RBM19: variants seen among roughly 807,000 people sequenced by gnomAD.
RBM19 encodes probable RNA-binding protein 19.
In RBM19, 94 loss-of-function variants were observed where a neutral mutation model predicts 116.8. That is an observed-to-expected ratio of 0.80 (90% CI 0.68 to 0.95). The LOEUF (loss-of-function observed/expected upper bound fraction) is 0.95, where lower values mean the gene tolerates loss of function less well. Ranked by LOEUF, RBM19 falls within the 40% of genes least tolerant of loss-of-function variation. The probability of loss-of-function intolerance (pLI) is 0.00; values close to 1 mark genes in which losing one functional copy is unlikely to be tolerated. For missense variants in RBM19, 1,161 were observed against 1,220.7 expected (o/e 0.95, Z 0.73); for synonymous variants, 475 against 494.1 (o/e 0.96, Z 0.51).
downstream of RBM19, chr12:113,818,293 G>A (rs1593438783): frequency 6.6e-6 from 1 of 151,632 alleles, no homozygotes; most frequent in Admixed American, 6.6e-5. Flanking sequence ...CTGCTCCTGT[G>A]GGGGTGCTCA....
At chr12:113,844,191 C>T (rs1876746533) in intron 23 of RBM19, among the ~76,000 whole-genome samples, 1 of 152,232 alleles carries the variant, frequency 6.6e-6, no homozygotes, top group Non-Finnish European at 1.5e-5. Flanking sequence ...AGCCCTCCGG[C>T]AGGAAGTGGA....
intron 15 of RBM19, 154 bp from the exon 16 acceptor site, chr12:113,937,290 T>C: frequency 3.7e-6 from 3 of 817,716 alleles, no homozygotes; most frequent in Non-Finnish European, 5.5e-6. Context: ...GAGCCCTGAC[T>C]GCTGTCTACT....
At chr12:113,835,637 G>A (rs1292547807) in intron 23 of RBM19, among the ~76,000 whole-genome samples, 2 of 152,198 alleles carry the variant, frequency 1.3e-5, no homozygotes, top group African/African-American at 2.4e-5. Flanking sequence ...GGAGGCCGGC[G>A]ACCCATGGGG....
Position 113,907,466 on chromosome 12 carries a change from C to G in RBM19, c.2558+7503G>C, listed in dbSNP as rs1372295368. ...GGAGACAGGAGGCACCCCATGCACA[C>G]TGAAGGAATGAAAGCACGCATTCAT... On this transcript the variant is annotated intron_variant, in intron 21 of 23. Coordinates refer to ENST00000261741, the MANE Select transcript of RBM19 (RefSeq NM_016196.4). 2.0e-5 allele frequency among the ~76,000 whole-genome samples: 3 copies of G among 152,174 alleles called. No homozygotes were observed. The East Asian group carries it at 5.8e-4, about 29-fold the overall frequency.
intron 23 of RBM19, among the ~76,000 whole-genome samples, chr12:113,842,216 A>C (rs956488060): frequency 6.6e-6 from 1 of 151,714 alleles, no homozygotes; most frequent in African/African-American, 2.4e-5. Context: ...TTGGAACTCA[A>C]TTTATTGAAG....
chr12:113,906,624 C>T lies in RBM19; in HGVS notation c.2558+8345G>A, dbSNP rs534280646. 5.9e-5 allele frequency among the ~76,000 whole-genome samples: 9 copies of T among 152,162 alleles called. No homozygotes were observed. In the East Asian group the frequency reaches 9.7e-4, roughly 16 times the overall value. On this transcript the variant is annotated intron_variant, in intron 21 of 23. Transcript: ENST00000261741. ...GCACGCATGCTAGCTGGCAATCACACGGGGCAAGGCTGGTCCTGCCTCGTC... is the reference window on the plus strand; with the variant it reads ...GCACGCATGCTAGCTGGCAATCACATGGGGCAAGGCTGGTCCTGCCTCGTC...
Position 113,957,963 on chromosome 12 carries a change from G to A in RBM19, c.659C>T (p.Ser220Leu), listed in dbSNP as rs141996636. ...TTCCTCTTCCTCCGAGGAAGAGGAC[G>A]ACCCAGCCTTCACCATCTTGGATTT... ...YLKSKMVKAGSSSSSEEEESE... is the reference protein window; with the variant it reads ...YLKSKMVKAGLSSSSEEEESE... The change falls in exon 6 of 24, where the codon TCG becomes TTG. Residue 220 changes from serine (S) to leucine (L), a missense_variant. Physicochemically the swap from Ser to Leu is moderately radical, Grantham distance 145. Coordinates refer to ENST00000261741, the MANE Select transcript of RBM19 (RefSeq NM_016196.4). The A allele has an allele frequency of 3.2e-4, 521 of 1,614,128 alleles. 2 individuals are homozygous for A. In the East Asian group the frequency reaches 9.1e-3, roughly 28 times the overall value.
chr12:113,819,246 G>C (rs1397810375), downstream of RBM19, among the ~76,000 whole-genome samples: 1 of 152,194 alleles, frequency 6.6e-6, no homozygotes, highest in African/African-American at 2.4e-5. Context: ...CCGGGTCACA[G>C]GCCTCATCCA....
intron 21 of RBM19, among the ~76,000 whole-genome samples, chr12:113,863,596 C>T (rs571081990): frequency 3.9e-5 from 6 of 152,148 alleles, no homozygotes; most frequent in African/African-American, 9.7e-5. Context: ...CCTCACTATT[C>T]GGATCTGCTG....
intron 16 of RBM19, among the ~76,000 whole-genome samples, chr12:113,931,450 C>T (rs533283752): frequency 1.1e-4 from 16 of 152,112 alleles, no homozygotes; most frequent in Admixed American, 9.2e-4. Flanking sequence ...CATACACCTG[C>T]GCTTTGCTGG....
chr12:113,920,754 G>T, intron 18 of RBM19, 64 bp from the exon 19 acceptor site: 1 of 1,420,986 alleles, frequency 7.0e-7, no homozygotes, highest in Non-Finnish European at 9.9e-7. Flanking sequence ...AAGTGCAAGG[G>T]CTGTGACGGG....
intron 21 of RBM19, among the ~76,000 whole-genome samples, chr12:113,879,446 T>TATATATATATATATAC (rs893952657): frequency 1.2e-4 from 17 of 142,320 alleles, no homozygotes; most frequent in East Asian, 6.0e-4. Context: ...TATATATATA[T>TATATATATATATATAC]ATATGGACTT....
At chr12:113,899,304 T>A (rs1215032877) in intron 21 of RBM19, among the ~76,000 whole-genome samples, 1 of 152,192 alleles carries the variant, frequency 6.6e-6, no homozygotes, top group Non-Finnish European at 1.5e-5. Context: ...CCCGAGTGTA[T>A]TACTGAAGTC....
rs564968170 is a variant in RBM19, at chr12:113,966,296, C to A, written c.-69G>T. ...CGTCTTCCACCAAGTTTCACGCTAC[C>A]GCCCTGGGCGCCGCCATCTTTACCG... is the stretch of plus-strand genomic sequence containing the variant. On this transcript the variant is annotated 5_prime_UTR_variant, in exon 1 of 24. Transcript: ENST00000261741. The A allele has an allele frequency of 1.9e-6, 3 of 1,595,362 alleles. No homozygotes were observed. In the South Asian group the frequency reaches 3.3e-5, roughly 18 times the overall value.
In RBM19 at chr12:113,927,743, A is replaced by G. The variant is rs143678788; in HGVS notation, c.2069-514T>C. 4.8e-3 allele frequency among the ~76,000 whole-genome samples: 732 copies of G among 152,354 alleles called. 5 individuals carry two copies. The highest frequency in any genetic ancestry group is 0.016 in the African/African-American group (685 of 41,584). ...ACCTAAAGAATGTTACATACCATCG[A>G]AATCCCTCATATGCATTACTTCAGG... On this transcript the variant is annotated intron_variant, in intron 16 of 23. Transcript: ENST00000261741.
At chr12:113,855,653 A>C (rs1364278317) in intron 22 of RBM19, among the ~76,000 whole-genome samples, 2 of 152,136 alleles carry the variant, frequency 1.3e-5, no homozygotes, top group African/African-American at 4.8e-5. Flanking sequence ...GCCGGCCCTG[A>C]GAGGCTGGGA....
At chr12:113,837,103 A>G (rs1876015868) in intron 23 of RBM19, among the ~76,000 whole-genome samples, 2 of 149,842 alleles carry the variant, frequency 1.3e-5, no homozygotes, top group South Asian at 2.1e-4. Flanking sequence ...ACATACATAC[A>G]TACATACACA....
intron 15 of RBM19, among the ~76,000 whole-genome samples, chr12:113,939,244 T>G (rs1201269738): frequency 6.6e-6 from 1 of 152,058 alleles, no homozygotes; most frequent in Non-Finnish European, 1.5e-5. Context: ...AGTTCAAGGC[T>G]GCAGCGAACC....
intron 23 of RBM19, among the ~76,000 whole-genome samples, chr12:113,839,536 C>G (rs1431949247): frequency 1.3e-5 from 2 of 152,206 alleles, no homozygotes. Flanking sequence ...CCTGTGTGAC[C>G]TTGGGCAAGG....
Sources: gnomAD v4.1 joint callset for allele counts (sites outside exome capture counted in the v4.1 genomes callset) on GRCh38, gnomAD v4.1.1 for gene constraint, MANE v1.5 for transcripts, NCBI Gene and HGNC (gene_info 2026-07-23, HGNC 2026-07-21) for gene names.